The following JCAD variants were observed in gnomAD, a reference collection of about 807,000 sequenced individuals.
JCAD encodes the protein junctional cadherin 5-associated protein.
In JCAD, 40 loss-of-function variants were observed where a neutral mutation model predicts 98.0. That is an observed-to-expected ratio of 0.41 (90% CI 0.32 to 0.53). The LOEUF (loss-of-function observed/expected upper bound fraction) is 0.53, where lower values mean the gene tolerates loss of function less well. JCAD is among the 20% of genes least tolerant of loss of function. The pLI, the probability that JCAD is intolerant of heterozygous loss-of-function variation, is 0.31. For synonymous variants in JCAD, 691 were observed against 682.3 expected (o/e 1.01, Z -0.20); for missense variants, 1,705 against 1,738.1 (o/e 0.98, Z 0.34).
At chr10:30,113,837 C>A (rs979869792) in intron 1 of JCAD, among the ~76,000 whole-genome samples, 9 of 152,162 alleles carry the variant, frequency 5.9e-5, no homozygotes, top group South Asian at 2.1e-4. Flanking sequence ...CCCTTTGGCA[C>A]CCTGCCCAGG....
intron 1 of JCAD, among the ~76,000 whole-genome samples, chr10:30,077,039 A>G (rs183175528): frequency 6.6e-6 from 1 of 152,310 alleles, no homozygotes; most frequent in East Asian, 1.9e-4. Flanking sequence ...GACATTCGGA[A>G]TTGCAGAGTA....
chr10:30,019,349 C>A (rs1424127223), intron 3 of JCAD, among the ~76,000 whole-genome samples: 1 of 124,992 alleles, frequency 8.0e-6, no homozygotes, highest in African/African-American at 3.3e-5. Context: ...AAGAGCGAAA[C>A]TCTGTCTCAA....
intron 3 of JCAD, among the ~76,000 whole-genome samples, chr10:30,020,899 T>C (rs896038448): frequency 5.9e-5 from 9 of 152,214 alleles, no homozygotes; most frequent in Admixed American, 6.5e-5. Flanking sequence ...GATGCTTAGT[T>C]TCTTCCAGGC....
chr10:30,074,306 G>A (rs1837943441), intron 1 of JCAD, among the ~76,000 whole-genome samples: 1 of 152,146 alleles, frequency 6.6e-6, no homozygotes, highest in Non-Finnish European at 1.5e-5. Flanking sequence ...AGAGAGGAAT[G>A]GGACCATATT....
In JCAD at chr10:30,081,721, C is replaced by T. The variant is rs777972701; in HGVS notation, n.129-11900G>A. On this transcript the variant is annotated intron_variant and non_coding_transcript_variant, in intron 1 of 2. Coordinates refer to the JCAD transcript ENST00000465712. ...TGCTGGGATTACAGGTTTGAGCCACCGCACCTGGCCTCCTGAGCCCAAGAT... is the reference window on the plus strand; with the variant it reads ...TGCTGGGATTACAGGTTTGAGCCACTGCACCTGGCCTCCTGAGCCCAAGAT... Among the ~76,000 whole-genome samples the T allele has an allele frequency of 4.6e-5, 7 of 152,110 alleles. No individual in the cohort carries two copies. The South Asian group carries it at 6.2e-4, about 14-fold the overall frequency.
intron 3 of JCAD, among the ~76,000 whole-genome samples, chr10:30,022,666 T>C (rs955295687): frequency 1.3e-5 from 2 of 152,190 alleles, no homozygotes; most frequent in Non-Finnish European, 2.9e-5. Context: ...ATGTAAGATA[T>C]CGTCCCTAAT....
intron 1 of JCAD, among the ~76,000 whole-genome samples, chr10:30,080,456 T>C (rs1332665805): frequency 6.6e-6 from 1 of 152,230 alleles, no homozygotes; most frequent in Non-Finnish European, 1.5e-5. Flanking sequence ...AATAGTCTTA[T>C]GTCTGGGGCT....
chr10:30,022,811 T>C (rs372924252), intron 3 of JCAD, among the ~76,000 whole-genome samples: 5 of 152,198 alleles, frequency 3.3e-5, no homozygotes, highest in African/African-American at 9.7e-5. Flanking sequence ...CGTCATGTCA[T>C]AGTGCAATCA....
chr10:30,049,154 T>C (rs971776929), intron 1 of JCAD, among the ~76,000 whole-genome samples: 3 of 152,140 alleles, frequency 2.0e-5, no homozygotes, highest in Admixed American at 6.5e-5. Context: ...GTAAGACGGA[T>C]TGGTCAGACG....
At chr10:30,061,403 G>A (rs564964813), upstream of JCAD, among the ~76,000 whole-genome samples, 18 of 152,190 alleles carry the variant, frequency 1.2e-4, no homozygotes, top group African/African-American at 3.9e-4. Context: ...TTAGCCGGGC[G>A]TGGTGGCAGG....
chr10:30,030,529 C>T (rs983461271), intron 2 of JCAD, among the ~76,000 whole-genome samples: 3 of 152,116 alleles, frequency 2.0e-5, no homozygotes, highest in South Asian at 2.1e-4. Flanking sequence ...AGCATATTGC[C>T]GGCTCAGTCC....
intron 1 of JCAD, among the ~76,000 whole-genome samples, chr10:30,111,598 G>A (rs1334343439): frequency 6.6e-6 from 1 of 152,174 alleles, no homozygotes; most frequent in Admixed American, 6.5e-5. Context: ...AAGTAAAAAT[G>A]TGATGTGACA....
In JCAD at chr10:30,017,974, G is replaced by A. The variant is rs1170855007; in HGVS notation, c.4046-57C>T. On this transcript the variant is annotated intron_variant, in intron 3 of 3. Coordinates refer to ENST00000375377, the MANE Select transcript of JCAD (RefSeq NM_020848.4). ...GTTATATTCAACTGCTCTATTTTCTGTTTAATCCTTAGACCACGAATTTGT... is the reference window on the plus strand; with the variant it reads ...GTTATATTCAACTGCTCTATTTTCTATTTAATCCTTAGACCACGAATTTGT... 4.4e-6 allele frequency: 6 copies of A among 1,375,674 alleles called. No individual in the cohort carries two copies. The East Asian group carries it at 1.2e-4, about 27-fold the overall frequency. 85.2% of individuals were successfully genotyped at this position (1,375,674 alleles called of 1,614,324 possible). A position where few individuals can be genotyped will look rare whatever the true frequency, so the allele number is the denominator to read the frequency against.
chr10:30,060,498 A>G (rs533671051), upstream of JCAD, among the ~76,000 whole-genome samples: 2 of 152,348 alleles, frequency 1.3e-5, no homozygotes, highest in South Asian at 4.1e-4. Context: ...TTTGGAAGGC[A>G]GACAGAAGAC....
In JCAD at chr10:30,027,718, G is replaced by A. The variant is rs749575859; in HGVS notation, c.2430C>T (p.Cys810=). 3.1e-6 allele frequency: 5 copies of A among 1,614,240 alleles called. No homozygotes were observed. The highest frequency in any genetic ancestry group is 1.1e-5 in the South Asian group (1 of 91,090). The change falls in exon 3 of 4, where the codon TGC becomes TGT. Residue 810 remains cysteine, a synonymous_variant. Coordinates refer to ENST00000375377, the MANE Select transcript of JCAD (RefSeq NM_020848.4). ...ACTGCCCAAAGAGTTGTTTACTGTT[G>A]CAAGGGCCCGTGGGCTCCCCCTTCA... is the stretch of plus-strand genomic sequence containing the variant. The part of the protein sequence containing the change: ...EVVKGEPTGP[C]NSKQLFGQFL...
chr10:30,019,746 G>A (rs11598974), intron 3 of JCAD, among the ~76,000 whole-genome samples: 18,739 of 151,968 alleles, frequency 0.12, 2,219 homozygotes, highest in African/African-American at 0.31. Flanking sequence ...GGAATTTGCT[G>A]ATAGAGTACA....
At chr10:30,052,064 A>T (rs899754328) in intron 1 of JCAD, among the ~76,000 whole-genome samples, 1 of 152,226 alleles carries the variant, frequency 6.6e-6, no homozygotes, top group Admixed American at 6.5e-5. Flanking sequence ...ATCTTATTGC[A>T]TGGCACCTTT....
At chr10:30,110,451 T>C (rs1838673021) in intron 1 of JCAD, among the ~76,000 whole-genome samples, 1 of 151,936 alleles carries the variant, frequency 6.6e-6, no homozygotes, top group South Asian at 2.1e-4. Context: ...GGACCCCTGA[T>C]GTATGGACCA....
At chr10:30,037,294 G>A (rs182348330) in intron 2 of JCAD, among the ~76,000 whole-genome samples, 1 of 152,120 alleles carries the variant, frequency 6.6e-6, no homozygotes, top group Non-Finnish European at 1.5e-5. Context: ...TCTGATACAG[G>A]GTAACGAATG....
Sources: gnomAD v4.1 joint callset for allele counts (sites outside exome capture counted in the v4.1 genomes callset) on GRCh38, gnomAD v4.1.1 for gene constraint, MANE v1.5 for transcripts, NCBI Gene and HGNC (gene_info 2026-07-23, HGNC 2026-07-21) for gene names.